Variants in PTPRF observed in about 807,000 individuals in gnomAD.
The protein encoded by PTPRF is protein tyrosine phosphatase receptor type F.
A neutral mutation model predicts 201.8 loss-of-function variants in PTPRF; 59 were observed. The observed-to-expected ratio is 0.29, with a 90% CI of 0.24 to 0.36. PTPRF has a LOEUF of 0.36. Among genes scored for constraint, PTPRF ranks in the 10% least tolerant of loss-of-function variants. PTPRF has a pLI of 1.00. For missense variants in PTPRF, 2,132 were observed against 2,690.5 expected, an observed-to-expected ratio of 0.79 and a Z score of 4.59; for synonymous variants, 1,088 against 1,089.7, an observed-to-expected ratio of 1.00 and a Z score of 0.03.
At chr1:43,596,597 C>G (rs1352308677) in intron 11 of PTPRF, among the ~76,000 whole-genome samples, 1 of 152,232 alleles carries the variant, frequency 6.6e-6, no homozygotes, top group South Asian at 2.1e-4. Flanking sequence ...CCTTCATGTT[C>G]GGCCTCCTGT....
At position 43,605,302 on chromosome 1, in the gene PTPRF, GC is replaced by G. The variant is rs1205495782; in HGVS notation, c.3249del (p.Ser1083ArgfsTer29). 6.2e-7 allele frequency: 1 copy of G among 1,613,366 alleles called. No homozygotes were observed. Among genetic ancestry groups the G allele is most frequent in the Admixed American group, 1.7e-5 (1 of 60,008 alleles). On this transcript the variant is annotated frameshift_variant, in exon 18 of 34. Coordinates refer to ENST00000359947, the MANE Select transcript of PTPRF (RefSeq NM_002840.5). LOFTEE classifies it high-confidence loss of function. The part of the protein sequence containing the change: ...YSFVLMNRGS[S>X]AGGLQHLVSI... ...TTTGTGCTGATGAACCGTGGCAGCA[GC>G]GCAGGGGGCCTGCAGCACCTGGTGT...
chr1:43,621,309 A>T (rs1659164230), intron 33 of PTPRF, 77 bp downstream of exon 33: 3 of 1,557,236 alleles, frequency 1.9e-6, no homozygotes, highest in South Asian at 1.2e-5. Flanking sequence ...CAACAGTTTG[A>T]TGCCCACAGG....
chr1:43,606,294 G>A lies in PTPRF; in HGVS notation c.3538G>A (p.Ala1180Thr). The A allele has an allele frequency of 6.2e-7, 1 of 1,613,930 alleles. No homozygotes were observed. Among genetic ancestry groups the A allele is most frequent in the Non-Finnish European group, 8.5e-7 (1 of 1,180,014 alleles). ...GGAGCAGCGGCGGCGGCGGCGGCAG[G>A]CAGAACGTCTGAAGCCATATGTGGC... ...GEEQRRRRRQAERLKPYVAAQ... is the reference protein window; with the variant it reads ...GEEQRRRRRQTERLKPYVAAQ... The change falls in exon 20 of 34, where the codon GCA becomes ACA. Residue 1180 changes from alanine to threonine, a missense_variant. Physicochemically the swap from Ala to Thr is moderately conservative, Grantham distance 58. This residue lies in a region of PTPRF where 818 missense variants were observed against 915.3 expected (regional missense o/e 0.89). Transcript: ENST00000359947.
chr1:43,606,727 C>A (rs1459860864), intron 20 of PTPRF, 87 bp from the exon 21 acceptor site: 5 of 1,538,770 alleles, frequency 3.2e-6, no homozygotes, highest in Admixed American at 1.7e-5. Context: ...TAACCCAGAC[C>A]CAGAGCCCTT....
In PTPRF at chr1:43,620,928, A is replaced by G; in HGVS notation, c.5455A>G (p.Ile1819Val). 1.2e-6 allele frequency: 2 copies of G among 1,614,184 alleles called. No individual in the cohort carries two copies. Among genetic ancestry groups the G allele is most frequent in the Non-Finnish European group, 8.5e-7 (1 of 1,180,020 alleles). Residue 1819 changes from isoleucine (I) to valine (V), a missense_variant, in exon 32 of 34, where the codon ATC becomes GTC. Coordinates refer to ENST00000359947, the MANE Select transcript of PTPRF (RefSeq NM_002840.5). ...PKTGEGFIDF[I>V]GQVHKTKEQF... is the part of the protein sequence containing the mutation. ...GACAGGCGAGGGATTCATTGACTTC[A>G]TCGGGCAGGTGCATAAGACCAAGGA... is the stretch of plus-strand genomic sequence containing the variant.
rs543493940 is a variant in PTPRF, at chr1:43,550,943, C to T, written c.92-2549C>T. On this transcript the variant is annotated intron_variant, in intron 3 of 33. Transcript: ENST00000359947. ...GGCCCTGTGGCTGCAGGGAACATGA[C>T]GTTGCTCTTTAGAGGAGCCAAAGCT... Among the ~76,000 whole-genome samples, 24 of 152,308 alleles carry T rather than the reference C, an allele frequency of 1.6e-4. 1 individual carries two copies. The highest frequency in any genetic ancestry group is 1.4e-3 in the South Asian group (7 of 4,828).
At chr1:43,533,208 C>T (rs1326524681) in intron 1 of PTPRF, among the ~76,000 whole-genome samples, 1 of 151,928 alleles carries the variant, frequency 6.6e-6, no homozygotes, top group Non-Finnish European at 1.5e-5. Flanking sequence ...CTTCCTTCTT[C>T]TTGCAACTAC....
intron 5 of PTPRF, among the ~76,000 whole-genome samples, chr1:43,557,453 G>T (rs1389153439): frequency 6.6e-6 from 1 of 152,160 alleles, no homozygotes; most frequent in Non-Finnish European, 1.5e-5. Flanking sequence ...GGCCAACATG[G>T]CAAAACCCCA....
Position 43,620,447 on chromosome 1 carries a change from T to C in PTPRF, c.5239-7T>C, listed in dbSNP as rs70937046. The C allele has an allele frequency of 3.6e-5, 58 of 1,609,942 alleles. No homozygotes were observed. In the East Asian group the frequency reaches 1.2e-3, roughly 33 times the overall value. ...CTGATTATGGGGGCCCGACCCTCTG[T>C]CCACAGGAGAAATGCCACCAGTACT... is the stretch of plus-strand genomic sequence containing the variant. On this transcript the variant is annotated splice_polypyrimidine_tract_variant and splice_region_variant and intron_variant, in intron 30 of 33. Transcript: ENST00000359947.
At chr1:43,598,575 C>A in intron 12 of PTPRF, 145 bp from the exon 13 acceptor site, 2 of 774,194 alleles carry the variant, frequency 2.6e-6, no homozygotes, top group South Asian at 1.8e-5. Context: ...GTGTGCCTCA[C>A]CAGGGACAGA....
intron 3 of PTPRF, among the ~76,000 whole-genome samples, chr1:43,550,326 C>A (rs1644944076): frequency 6.6e-6 from 1 of 152,182 alleles, no homozygotes. Flanking sequence ...GTCTCCTCTC[C>A]GCTTCTTTGT....
At chr1:43,575,993 C>T (rs1646901399) in intron 6 of PTPRF, 5 of 1,338,280 alleles carry the variant, frequency 3.7e-6, no homozygotes, top group Middle Eastern at 2.2e-4. Context: ...CCACTCCATC[C>T]CGTCCAGTCT....
chr1:43,569,739 C>G lies in PTPRF; in HGVS notation c.529C>G (p.Pro177Ala), dbSNP rs1281980017. The G allele has an allele frequency of 2.5e-6, 4 of 1,613,270 alleles. No homozygotes were observed. The highest frequency in any genetic ancestry group is 8.5e-7 in the Non-Finnish European group (1 of 1,179,552). ...SWFKDFLPVD[P>A]ATSNGRIKQL... ...GTTCAAGGACTTCCTTCCTGTAGACCCTGCCACGAGCAACGGCCGCATCAA... is the reference window on the plus strand; with the variant it reads ...GTTCAAGGACTTCCTTCCTGTAGACGCTGCCACGAGCAACGGCCGCATCAA... The change falls in exon 6 of 34, where the codon CCT becomes GCT. Residue 177 changes from proline to alanine, a missense_variant. Around this residue, in one of 6 missense-constraint regions of PTPRF, gnomAD observed 297 missense variants for 454.0 expected, o/e 0.65. Transcript: ENST00000359947.
intron 6 of PTPRF, 122 bp downstream of exon 6, chr1:43,569,900 G>C (rs954994114): frequency 3.0e-5 from 34 of 1,128,162 alleles, no homozygotes; most frequent in Non-Finnish European, 3.8e-5. Context: ...GGTACCTGGT[G>C]GGGTGGGCTG....
intron 6 of PTPRF, among the ~76,000 whole-genome samples, chr1:43,577,147 C>T (rs1370120824): frequency 1.3e-5 from 2 of 152,166 alleles, no homozygotes; most frequent in African/African-American, 2.4e-5. Flanking sequence ...CACTTTCTGC[C>T]CCAAGCCTGT....
intron 7 of PTPRF, among the ~76,000 whole-genome samples, chr1:43,583,545 C>A (rs762152871): frequency 6.6e-6 from 1 of 152,110 alleles, no homozygotes; most frequent in East Asian, 1.9e-4. Context: ...CAGGCTCAGC[C>A]GAAACTACTG....
At position 43,588,054 on chromosome 1, in the gene PTPRF, G is replaced by A. The variant is rs986089064; in HGVS notation, c.680-677G>A. Among the ~76,000 whole-genome samples, 3 of 152,160 alleles carry A rather than the reference G, an allele frequency of 2.0e-5. No individual in the cohort carries two copies. Among genetic ancestry groups the A allele is most frequent in the South Asian group, 2.1e-4 (1 of 4,832 alleles). ...TGCCATCGTCATGCCCATCCTGCCC[G>A]CAGACCATGTCCCTGGCCTGCCCTG... On this transcript the variant is annotated intron_variant, in intron 7 of 33. Transcript: ENST00000359947. The surrounding 1 kb of genome is among the most constrained non-coding windows in gnomAD (Gnocchi z 5.3).
chr1:43,545,249 C>G, intron 3 of PTPRF, 83 bp downstream of exon 3: 2 of 1,406,464 alleles, frequency 1.4e-6, no homozygotes, highest in Non-Finnish European at 9.7e-7. Flanking sequence ...GGGGACAGAC[C>G]GGCTACTAGG....
chr1:43,615,801 C>T (rs751284616), intron 23 of PTPRF, among the ~76,000 whole-genome samples: 84 of 152,092 alleles, frequency 5.5e-4, no homozygotes, highest in Non-Finnish European at 1.0e-3. Flanking sequence ...CTCCTGACCT[C>T]GTGATCCGCC....
Sources: gnomAD v4.1 joint callset for allele counts (sites outside exome capture counted in the v4.1 genomes callset) on GRCh38, gnomAD v4.1.1 for gene constraint, gnomAD v4.1.1 regional missense constraint, Gnocchi (gnomAD v3.1) non-coding constraint, MANE v1.5 for transcripts, NCBI Gene and HGNC (gene_info 2026-07-23, HGNC 2026-07-21) for gene names.